LARGE1: variants seen among roughly 807,000 people sequenced by gnomAD.
LARGE1 encodes the protein LARGE xylosyl- and glucuronyltransferase 1.
A neutral mutation model predicts 87.6 loss-of-function variants in LARGE1; 43 were observed. The observed-to-expected ratio is 0.49, with a 90% CI of 0.38 to 0.63. The LOEUF is 0.63. Among genes scored for constraint, LARGE1 ranks in the 30% least tolerant of loss-of-function variants. The probability of loss-of-function intolerance (pLI) is 0.00; values close to 1 mark genes in which losing one functional copy is unlikely to be tolerated. For missense variants in LARGE1, 802 were observed against 1,000.2 expected, an observed-to-expected ratio of 0.80 and a Z score of 2.67; for synonymous variants, 434 against 394.6, an observed-to-expected ratio of 1.10 and a Z score of -1.18.
intron 1 of LARGE1, among the ~76,000 whole-genome samples, chr22:33,854,584 A>G (rs1397064852): frequency 1.3e-5 from 2 of 152,226 alleles, no homozygotes; most frequent in African/African-American, 4.8e-5. Flanking sequence ...GCAAGTAAAA[A>G]TAAGACATTA....
chr22:33,583,376 G>A (rs563201355), intron 5 of LARGE1, among the ~76,000 whole-genome samples: 2 of 152,304 alleles, frequency 1.3e-5, no homozygotes, highest in East Asian at 3.9e-4. Flanking sequence ...TAAGTCTGGA[G>A]AAAATAAATC....
rs558363660 is a variant in LARGE1, at chr22:33,730,530, T to A, written c.106+30841A>T. 2.8e-4 allele frequency among the ~76,000 whole-genome samples: 42 copies of A among 152,340 alleles called. 1 individual carries two copies. The highest frequency in any genetic ancestry group is 2.3e-3 in the South Asian group (11 of 4,824). ...GAAAGCTTACACGAATTTTTGACTG[T>A]GCAGGGGGTTAGTGTCCCTAGTTCC... On this transcript the variant is annotated intron_variant, in intron 2 of 14. Transcript: ENST00000397394.
intron 5 of LARGE1, among the ~76,000 whole-genome samples, chr22:33,578,937 G>A (rs1011889429): frequency 1.3e-5 from 2 of 152,138 alleles, no homozygotes; most frequent in Non-Finnish European, 2.9e-5. Context: ...CAGAACAAAT[G>A]TTTCTCCAAT....
intron 1 of LARGE1, among the ~76,000 whole-genome samples, chr22:33,842,411 C>T (rs991352992): frequency 2.1e-5 from 3 of 142,508 alleles, no homozygotes; most frequent in South Asian, 2.2e-4. Context: ...CATATTTCTT[C>T]GGATTTTTAT....
intron 2 of LARGE1, among the ~76,000 whole-genome samples, chr22:33,664,857 T>TA (rs1279395093): frequency 6.6e-6 from 1 of 151,880 alleles, no homozygotes; most frequent in Non-Finnish European, 1.5e-5. Context: ...GACTCCATCT[T>TA]AAAAAAACAA....
At chr22:33,406,209 C>T (rs1385476410) in intron 7 of LARGE1, among the ~76,000 whole-genome samples, 1 of 152,140 alleles carries the variant, frequency 6.6e-6, no homozygotes, top group African/African-American at 2.4e-5. Flanking sequence ...TCCTCTATGA[C>T]CACGGCTCTT....
intron 6 of LARGE1, among the ~76,000 whole-genome samples, chr22:33,449,780 T>G (rs1370224705): frequency 6.6e-6 from 1 of 152,212 alleles, no homozygotes; most frequent in East Asian, 1.9e-4. Flanking sequence ...CAGCCCACTT[T>G]CAAAAGAAAG....
chr22:33,252,373 A>G (rs963988930), intron 11 of LARGE1, among the ~76,000 whole-genome samples: 6 of 149,878 alleles, frequency 4.0e-5, no homozygotes, highest in Non-Finnish European at 8.9e-5. Flanking sequence ...CTCCTTCTCC[A>G]TCATTTCTTA....
At chr22:33,279,491 CT>C (rs1245854715) in intron 13 of LARGE1, among the ~76,000 whole-genome samples, 1 of 152,178 alleles carries the variant, frequency 6.6e-6, no homozygotes, top group Admixed American at 6.5e-5. Context: ...TGAGGCTGGA[CT>C]CCCCCCAAAC....
At chr22:33,254,921 T>C (rs1025493700) in intron 11 of LARGE1, among the ~76,000 whole-genome samples, 4 of 151,310 alleles carry the variant, frequency 2.6e-5, no homozygotes, top group Admixed American at 6.6e-5. Context: ...CAGCTCTGCA[T>C]GGTCTACCTG....
intron 11 of LARGE1, among the ~76,000 whole-genome samples, chr22:33,170,076 C>G (rs566150964): frequency 1.6e-4 from 25 of 152,162 alleles, no homozygotes; most frequent in African/African-American, 5.8e-4. Context: ...ATGAGGGCAG[C>G]CCTCATAAAT....
chr22:33,748,024 CAAAAAAAAAAAAAAA>C (rs535230421), intron 2 of LARGE1, among the ~76,000 whole-genome samples: 11 of 21,738 alleles, frequency 5.1e-4, no homozygotes, highest in South Asian at 2.7e-3. Flanking sequence ...TCTGCTGGAG[CAAAAAAAAAAAAAAA>C]AAAAAAAAAA....
chr22:33,219,544 G>A (rs928028235), intron 11 of LARGE1, among the ~76,000 whole-genome samples: 3 of 152,216 alleles, frequency 2.0e-5, no homozygotes, highest in Non-Finnish European at 2.9e-5. Flanking sequence ...GAGAATAGGA[G>A]ATCAGGCAGC....
At chr22:33,666,320 T>C (rs1489063648) in intron 2 of LARGE1, among the ~76,000 whole-genome samples, 1 of 152,206 alleles carries the variant, frequency 6.6e-6, no homozygotes, top group African/African-American at 2.4e-5. Flanking sequence ...CAAGCATGGA[T>C]GCAGAAGAAA....
At chr22:33,310,206 G>A (rs890573615) in intron 11 of LARGE1, among the ~76,000 whole-genome samples, 10 of 152,138 alleles carry the variant, frequency 6.6e-5, no homozygotes, top group Admixed American at 2.0e-4. Context: ...TTGAAGCAAC[G>A]CTGTTCTAGA....
intron 2 of LARGE1, among the ~76,000 whole-genome samples, chr22:33,656,624 C>T (rs1459269623): frequency 6.6e-6 from 1 of 152,160 alleles, no homozygotes; most frequent in Admixed American, 6.5e-5. Context: ...TTCTCTATTA[C>T]CTTTCCTTCC....
intron 1 of LARGE1, among the ~76,000 whole-genome samples, chr22:33,781,968 C>G (rs1483159887): frequency 6.6e-6 from 1 of 151,956 alleles, no homozygotes; most frequent in African/African-American, 2.4e-5. Context: ...TACACACACA[C>G]AGACTCAAGA....
At chr22:33,120,691 A>G in the LARGE1 span, among the ~76,000 whole-genome samples, 1 of 151,672 alleles carries the variant, frequency 6.6e-6, no homozygotes, top group African/African-American at 2.4e-5. Context: ...TAATTTTTGT[A>G]TTTTTAGTAG....
At chr22:33,752,691 CA>C (rs1343620194) in intron 2 of LARGE1, among the ~76,000 whole-genome samples, 1 of 152,162 alleles carries the variant, frequency 6.6e-6, no homozygotes, top group African/African-American at 2.4e-5. Context: ...CATGGCACAC[CA>C]TCTCTGCTCT....
Sources: allele counts gnomAD v4.1 joint callset (sites outside exome capture counted in the v4.1 genomes callset), GRCh38; gene constraint gnomAD v4.1.1; transcripts MANE v1.5; gene names NCBI Gene and HGNC (gene_info 2026-07-23, HGNC 2026-07-21).